Variants in ZCCHC7 observed in about 807,000 individuals in gnomAD.
ZCCHC7 encodes the protein zinc finger CCHC-type containing 7, also known as zinc finger CCHC domain-containing protein 7.
ZCCHC7 carries 35 observed loss-of-function variants against 52.0 expected under a neutral mutation model. The observed-to-expected ratio is 0.67, with a 90% confidence interval of 0.51 to 0.89. The LOEUF (loss-of-function observed/expected upper bound fraction) is 0.89, where lower values mean the gene tolerates loss of function less well. Ranked by LOEUF, ZCCHC7 falls within the 40% of genes least tolerant of loss-of-function variation. ZCCHC7 has a pLI of 0.00. For missense variants in ZCCHC7, 574 were observed against 649.1 expected (o/e 0.88, Z 1.26); for synonymous variants, 217 against 221.5 (o/e 0.98, Z 0.18).
chr9:37,160,202 A>G (rs755728997), intron 2 of ZCCHC7: 1 of 152,198 alleles, frequency 6.6e-6, no homozygotes, highest in Non-Finnish European at 1.5e-5. Context: ...TCTTTGTTCC[A>G]TCTCCATTCC....
chr9:37,244,463 A>T lies in ZCCHC7; in HGVS notation c.611-57725A>T, dbSNP rs1326535623. Among the ~76,000 whole-genome samples the T allele has an allele frequency of 6.6e-5, 10 of 152,030 alleles. No homozygotes were observed. In the South Asian group the frequency reaches 2.1e-3, roughly 31 times the overall value. ...ATTTTATAAAACAGTTTATTTTAAA[A>T]TAGCTTATCCATATGAGTTATTTAA... On this transcript the variant is annotated intron_variant, in intron 2 of 8. Transcript: ENST00000336755.
intron 2 of ZCCHC7, among the ~76,000 whole-genome samples, chr9:37,201,893 T>C (rs1384785027): frequency 6.6e-6 from 1 of 152,230 alleles, no homozygotes; most frequent in African/African-American, 2.4e-5. Flanking sequence ...ACACCACTTA[T>C]CCAGCCATAC....
chr9:37,242,507 T>C (rs10973263), intron 2 of ZCCHC7, among the ~76,000 whole-genome samples: 21,304 of 151,742 alleles, frequency 0.14, 1,742 homozygotes, highest in Non-Finnish European at 0.17. Flanking sequence ...GTCCATAATA[T>C]GTATTTCTGT....
chr9:37,171,705 T>A (rs948552145), intron 2 of ZCCHC7, among the ~76,000 whole-genome samples: 11 of 152,200 alleles, frequency 7.2e-5, no homozygotes, highest in Non-Finnish European at 1.6e-4. Context: ...AACCTCTGTT[T>A]AGGGACTCTT....
At chr9:37,319,077 A>G (rs1216306192) in intron 5 of ZCCHC7, among the ~76,000 whole-genome samples, 2 of 152,060 alleles carry the variant, frequency 1.3e-5, no homozygotes, top group Admixed American at 1.3e-4. Flanking sequence ...AGTCATTCTA[A>G]TAGATGTATA....
chr9:37,162,031 CA>C (rs1821134240), intron 2 of ZCCHC7, among the ~76,000 whole-genome samples: 1 of 152,134 alleles, frequency 6.6e-6, no homozygotes, highest in Non-Finnish European at 1.5e-5. Context: ...TTTTAATGAG[CA>C]TGGTCAGATA....
At chr9:37,246,127 C>T (rs1826070796) in intron 2 of ZCCHC7, among the ~76,000 whole-genome samples, 1 of 152,018 alleles carries the variant, frequency 6.6e-6, no homozygotes, top group African/African-American at 2.4e-5. Context: ...GAGACTGATT[C>T]CTTTCTAAAA....
intron 2 of ZCCHC7, among the ~76,000 whole-genome samples, chr9:37,154,454 G>T (rs1820700815): frequency 6.6e-6 from 1 of 152,102 alleles, no homozygotes; most frequent in South Asian, 2.1e-4. Flanking sequence ...GTCATTAATT[G>T]CATTTACTCT....
At chr9:37,197,162 C>G (rs1823331908) in intron 2 of ZCCHC7, among the ~76,000 whole-genome samples, 1 of 152,130 alleles carries the variant, frequency 6.6e-6, no homozygotes, top group African/African-American at 2.4e-5. Flanking sequence ...TTGTTAAACA[C>G]TTTAAAATTA....
intron 2 of ZCCHC7, among the ~76,000 whole-genome samples, chr9:37,267,566 CTTTTTTTTTT>C (rs983055913): frequency 4.3e-5 from 5 of 115,278 alleles, no homozygotes; most frequent in East Asian, 4.9e-4. Flanking sequence ...CTAATTTTTT[CTTTTTTTTTT>C]TTTTTTTTTT....
At chr9:37,268,725 C>A (rs1049209735) in intron 2 of ZCCHC7, among the ~76,000 whole-genome samples, 1 of 152,176 alleles carries the variant, frequency 6.6e-6, no homozygotes, top group Non-Finnish European at 1.5e-5. Flanking sequence ...CGCGCCCGGC[C>A]GCAAAATTTC....
At chr9:37,174,816 G>A (rs1275146547) in intron 2 of ZCCHC7, among the ~76,000 whole-genome samples, 1 of 152,056 alleles carries the variant, frequency 6.6e-6, no homozygotes, top group Non-Finnish European at 1.5e-5. Context: ...GGTGCTTTAT[G>A]GGAAAGTTAC....
At chr9:37,157,273 GA>G in intron 2 of ZCCHC7, among the ~76,000 whole-genome samples, 1 of 151,436 alleles carries the variant, frequency 6.6e-6, no homozygotes, top group African/African-American at 2.4e-5. Context: ...AAGGAGGGAG[GA>G]TGACTTGAGC....
upstream of ZCCHC7, chr9:37,120,555 T>G (rs1842256624): frequency 5.0e-6 from 2 of 399,416 alleles, no homozygotes; most frequent in East Asian, 3.6e-5. Flanking sequence ...ACCTCATTTG[T>G]CCTCGCCCCT....
chr9:37,242,519 G>C (rs922417418), intron 2 of ZCCHC7, among the ~76,000 whole-genome samples: 2 of 151,736 alleles, frequency 1.3e-5, no homozygotes, highest in African/African-American at 4.8e-5. Flanking sequence ...TATTTCTGTT[G>C]CTATTTGAAC....
At chr9:37,290,022 C>A (rs893224530) in intron 2 of ZCCHC7, among the ~76,000 whole-genome samples, 3 of 152,132 alleles carry the variant, frequency 2.0e-5, no homozygotes, top group African/African-American at 4.8e-5. Flanking sequence ...TTTCCATTAC[C>A]CTGCTCTACT....
chr9:37,320,720 A>AC (rs1830015535), intron 5 of ZCCHC7, among the ~76,000 whole-genome samples: 1 of 152,252 alleles, frequency 6.6e-6, no homozygotes, highest in Non-Finnish European at 1.5e-5. Context: ...GTATTGTCTT[A>AC]CTACAACATC....
In ZCCHC7 at chr9:37,167,272, TC is replaced by T. The variant is rs1168722571; in HGVS notation, c.610+40331del. Among the ~76,000 whole-genome samples, 165 of 151,902 alleles carry T rather than the reference TC, an allele frequency of 1.1e-3. 1 individual carries two copies. Among genetic ancestry groups the T allele is most frequent in the African/African-American group, 3.8e-3 (157 of 41,464 alleles). On this transcript the variant is annotated intron_variant, in intron 2 of 8. Coordinates refer to ENST00000336755, the MANE Select transcript of ZCCHC7 (RefSeq NM_032226.3). ...ATTGTAGCTTTCCTTTTTTTTTTTT[TC>T]TTTTTTCCTTTTAGAGATGGGATCT...
intron 2 of ZCCHC7, among the ~76,000 whole-genome samples, chr9:37,216,338 T>A (rs957042452): frequency 6.6e-6 from 1 of 152,186 alleles, no homozygotes; most frequent in African/African-American, 2.4e-5. Flanking sequence ...ATTATTTTAT[T>A]TATACCTTTC....
Sources: allele counts gnomAD v4.1 joint callset (sites outside exome capture counted in the v4.1 genomes callset), GRCh38; gene constraint gnomAD v4.1.1; transcripts MANE v1.5; gene names NCBI Gene and HGNC (gene_info 2026-07-23, HGNC 2026-07-21).